Variants in CDH12 observed in about 807,000 individuals in gnomAD.
CDH12 encodes cadherin 12, also known as cadherin-12.
A neutral mutation model predicts 74.1 loss-of-function variants in CDH12; 41 were observed. The observed-to-expected ratio is 0.55, with a 90% CI of 0.43 to 0.72. The LOEUF (loss-of-function observed/expected upper bound fraction) is 0.72. CDH12 is among the 30% of genes least tolerant of loss of function. The probability of loss-of-function intolerance (pLI) is 0.00; values close to 1 mark genes in which losing one functional copy is unlikely to be tolerated. For synonymous variants in CDH12, 399 were observed against 355.0 expected (o/e 1.12, Z -1.39); for missense variants, 945 against 977.2 (o/e 0.97, Z 0.44).
intron 1 of CDH12, among the ~76,000 whole-genome samples, chr5:22,679,164 A>G (rs1262543839): frequency 6.6e-6 from 1 of 152,112 alleles, no homozygotes; most frequent in Non-Finnish European, 1.5e-5. Flanking sequence ...AATGAATACA[A>G]TGATGTCACC....
chr5:21,956,688 T>C (rs1261583842), intron 6 of CDH12, among the ~76,000 whole-genome samples: 1 of 152,176 alleles, frequency 6.6e-6, no homozygotes, highest in Non-Finnish European at 1.5e-5. Flanking sequence ...TTAGTGTTTA[T>C]ATCATTTCAT....
chr5:22,786,439 T>C (rs1747628601), intron 1 of CDH12, among the ~76,000 whole-genome samples: 1 of 152,214 alleles, frequency 6.6e-6, no homozygotes, highest in Non-Finnish European at 1.5e-5. Context: ...TGGCTGTTTT[T>C]CACAAGCTGG....
intron 4 of CDH12, among the ~76,000 whole-genome samples, chr5:22,120,853 G>T (rs1561133063): frequency 6.6e-6 from 1 of 151,962 alleles, no homozygotes; most frequent in Non-Finnish European, 1.5e-5. Flanking sequence ...AAATGTACAG[G>T]TTTTTTAAAA....
At chr5:22,430,428 G>T (rs1457395609) in intron 2 of CDH12, among the ~76,000 whole-genome samples, 1 of 152,076 alleles carries the variant, frequency 6.6e-6, no homozygotes, top group African/African-American at 2.4e-5. Context: ...TTGGTTTTTG[G>T]TAAATTTGTT....
intron 6 of CDH12, among the ~76,000 whole-genome samples, chr5:21,948,879 T>C (rs1191215870): frequency 6.6e-6 from 1 of 152,024 alleles, no homozygotes; most frequent in East Asian, 1.9e-4. Context: ...TCAGGAGATC[T>C]GATGGTTTTG....
intron 2 of CDH12, among the ~76,000 whole-genome samples, chr5:22,472,100 G>C (rs1472135987): frequency 6.6e-6 from 1 of 152,066 alleles, no homozygotes; most frequent in African/African-American, 2.4e-5. Flanking sequence ...ATATGTCAAG[G>C]GTGGAAGACT....
At chr5:22,788,045 G>A (rs995948343) in intron 1 of CDH12, among the ~76,000 whole-genome samples, 4 of 152,148 alleles carry the variant, frequency 2.6e-5, no homozygotes, top group African/African-American at 9.7e-5. Flanking sequence ...AGTATTTAAT[G>A]CCAACTCAGT....
intron 1 of CDH12, among the ~76,000 whole-genome samples, chr5:22,760,476 C>T (rs937891655): frequency 4.0e-5 from 6 of 151,816 alleles, no homozygotes; most frequent in Admixed American, 1.3e-4. Flanking sequence ...GTCAGGAGTT[C>T]GAGACCAGCC....
intron 9 of CDH12, among the ~76,000 whole-genome samples, chr5:21,813,839 C>G (rs562407012): frequency 7.9e-5 from 12 of 152,264 alleles, no homozygotes; most frequent in Admixed American, 2.0e-4. Flanking sequence ...CCTCCACATG[C>G]CTTTTACCCC....
At chr5:22,609,715 CGT>C (rs1382080776) in intron 1 of CDH12, among the ~76,000 whole-genome samples, 1 of 152,060 alleles carries the variant, frequency 6.6e-6, no homozygotes, top group East Asian at 1.9e-4. Flanking sequence ...AAGAAAAAAA[CGT>C]ATAGCTAATT....
intron 5 of CDH12, among the ~76,000 whole-genome samples, chr5:22,037,061 A>C (rs1215760032): frequency 6.6e-6 from 1 of 152,250 alleles, no homozygotes; most frequent in African/African-American, 2.4e-5. Flanking sequence ...TTTTAAAATT[A>C]GAAAAACATG....
chr5:22,056,768 C>T (rs7704194), intron 5 of CDH12, among the ~76,000 whole-genome samples: 53,545 of 152,006 alleles, frequency 0.35, 12,317 homozygotes, highest in African/African-American at 0.66. Flanking sequence ...CATGTGGATT[C>T]AGTAATCCCC....
chr5:22,173,296 TATA>T (rs1749142099), intron 4 of CDH12, among the ~76,000 whole-genome samples: 1 of 146,634 alleles, frequency 6.8e-6, no homozygotes, highest in Admixed American at 6.9e-5. Flanking sequence ...TATGTAATTA[TATA>T]ATATAATTTA....
At chr5:22,250,223 G>GA (rs561400580) in intron 3 of CDH12, among the ~76,000 whole-genome samples, 4 of 151,804 alleles carry the variant, frequency 2.6e-5, no homozygotes, top group Admixed American at 2.0e-4. Flanking sequence ...GCTGTGCAAG[G>GA]AAAAAAACCC....
chr5:22,336,625 C>T (rs1739596087), intron 3 of CDH12, among the ~76,000 whole-genome samples: 1 of 152,198 alleles, frequency 6.6e-6, no homozygotes, highest in Admixed American at 6.5e-5. Flanking sequence ...TTAGCAGTTT[C>T]CACATGGTGT....
chr5:22,078,539 C>T lies in CDH12; in HGVS notation c.138G>A (p.Arg46=). 6.2e-7 allele frequency: 1 copy of T among 1,613,928 alleles called. No homozygotes were observed. The highest frequency in any genetic ancestry group is 8.5e-7 in the Non-Finnish European group (1 of 1,179,852). Residue 46 remains arginine, a synonymous_variant, in exon 5 of 15, where the codon CGG becomes CGA. Coordinates refer to ENST00000382254, the MANE Select transcript of CDH12 (RefSeq NM_004061.5). ...RENVIHLPGQ[R]SHFQRVKRGW... ...CACGTTTAACACGTTGGAAATGTGACCGTTGTCCTGGCAGATGGATAACAT... is the reference window on the plus strand; with the variant it reads ...CACGTTTAACACGTTGGAAATGTGATCGTTGTCCTGGCAGATGGATAACAT...
chr5:21,915,997 C>G (rs981879435), intron 6 of CDH12, among the ~76,000 whole-genome samples: 2 of 151,996 alleles, frequency 1.3e-5, no homozygotes, highest in African/African-American at 2.4e-5. Context: ...ATGTGTCATA[C>G]TGCTTCATAA....
chr5:22,282,538 T>A (rs1314720074), intron 3 of CDH12, among the ~76,000 whole-genome samples: 1 of 151,638 alleles, frequency 6.6e-6, no homozygotes, highest in African/African-American at 2.4e-5. Context: ...GAACTTAAAT[T>A]TACAAGCAAA....
chr5:22,809,847 AAAT>A (rs1749045743), intron 1 of CDH12, among the ~76,000 whole-genome samples: 2 of 152,086 alleles, frequency 1.3e-5, no homozygotes, highest in African/African-American at 4.8e-5. Context: ...ATTATCAATA[AAAT>A]ATCTACTAGT....
Sources: gnomAD v4.1 joint callset for allele counts (sites outside exome capture counted in the v4.1 genomes callset) on GRCh38, gnomAD v4.1.1 for gene constraint, MANE v1.5 for transcripts, NCBI Gene and HGNC (gene_info 2026-07-23, HGNC 2026-07-21) for gene names.